ZNF91: variants seen among roughly 807,000 people sequenced by gnomAD.
ZNF91 encodes zinc finger protein 91 (HPF7, HTF10).
Under a neutral mutation model 12.6 loss-of-function variants are expected in ZNF91, and 7 were observed. The ratio of observed to expected loss-of-function variants is 0.55; its 90% confidence interval spans 0.31 to 1.04. The LOEUF is 1.04. Ranked by LOEUF, ZNF91 falls within the 50% of genes least tolerant of loss-of-function variation. The pLI is 0.05. For synonymous variants in ZNF91, 453 were observed against 462.6 expected, an observed-to-expected ratio of 0.98 and a Z score of 0.27; for missense variants, 1,217 against 1,385.4, an observed-to-expected ratio of 0.88 and a Z score of 1.93.
intron 3 of ZNF91, among the ~76,000 whole-genome samples, chr19:23,343,909 G>A (rs1381620228): frequency 2.0e-5 from 3 of 152,182 alleles, no homozygotes; most frequent in East Asian, 1.9e-4. Flanking sequence ...ACATTAGTCA[G>A]AAAGTCTCTC....
chr19:23,308,742 T>A (rs1229645419), intron 2 of ZNF91: 2 of 152,210 alleles, frequency 1.3e-5, no homozygotes, highest in East Asian at 3.9e-4. Context: ...TTATTCTTTT[T>A]TGTGAATACC....
chr19:23,350,271 G>A (rs1968330301), intron 3 of ZNF91, among the ~76,000 whole-genome samples: 1 of 152,150 alleles, frequency 6.6e-6, no homozygotes, highest in Non-Finnish European at 1.5e-5. Context: ...TGGAAGGGGT[G>A]GGGCCCAACA....
chr19:23,305,904 C>CA (rs1269356432), intron 3 of ZNF91, among the ~76,000 whole-genome samples: 2 of 152,128 alleles, frequency 1.3e-5, no homozygotes, highest in African/African-American at 2.4e-5. Context: ...TTTGTCTATA[C>CA]AAAAAACATT....
intron 3 of ZNF91, among the ~76,000 whole-genome samples, chr19:23,363,929 G>C (rs796441897): frequency 1.3e-5 from 2 of 151,844 alleles, no homozygotes; most frequent in African/African-American, 4.8e-5. Flanking sequence ...AACAAACTAG[G>C]ATCACAGAAA....
intron 3 of ZNF91, among the ~76,000 whole-genome samples, chr19:23,348,999 T>C (rs1250770392): frequency 3.3e-5 from 5 of 152,170 alleles, no homozygotes; most frequent in African/African-American, 1.2e-4. Context: ...TCAGGCTTGC[T>C]AGGATTGGGA....
downstream of ZNF91, among the ~76,000 whole-genome samples, chr19:23,354,833 A>T (rs1568378448): frequency 6.6e-6 from 1 of 152,118 alleles, no homozygotes; most frequent in Non-Finnish European, 1.5e-5. Flanking sequence ...CAGCAACCAA[A>T]TGGAGAATTA....
intron 3 of ZNF91, 84 bp downstream of exon 3, chr19:23,373,658 C>G: frequency 9.5e-7 from 1 of 1,051,790 alleles, no homozygotes; most frequent in Admixed American, 2.5e-5. Context: ...TGGAACACAG[C>G]TTCTCAGATC....
downstream of ZNF91, among the ~76,000 whole-genome samples, chr19:23,357,292 AC>A (rs1968515474): frequency 6.6e-6 from 1 of 152,164 alleles, no homozygotes; most frequent in Non-Finnish European, 1.5e-5. Context: ...AACAACAACA[AC>A]AAAAAATTAT....
Position 23,361,481 on chromosome 19 carries a change from T to C in ZNF91, c.1498A>G (p.Arg500Gly). ...YKCEECGKAF[R>G]QSSTLTKHKI... ...TGTTTAGTAAGGGTTGAGGATTGCC[T>C]AAAAGCTTTGCCACATTCTTCACAT... Residue 500 changes from arginine to glycine, a missense_variant, in exon 4 of 4, where the codon AGG becomes GGG. Arg to Gly is a moderately radical substitution (Grantham distance 125). Transcript: ENST00000300619. 1 of 1,611,968 alleles carries C rather than the reference T, an allele frequency of 6.2e-7. No individual in the cohort carries two copies. Among genetic ancestry groups the C allele is most frequent in the East Asian group, 2.2e-5 (1 of 44,704 alleles).
At position 23,369,386 on chromosome 19, in the gene ZNF91, G is replaced by A. The variant is rs968072565; in HGVS notation, c.253+4356C>T. ...GCCAGCCGCCCCGTCCGGGAGGGAG[G>A]TGGGGTGCGCCTCCGCCCGGCCGCT... On this transcript the variant is annotated intron_variant, in intron 3 of 3. Coordinates refer to ENST00000300619, the MANE Select transcript of ZNF91 (RefSeq NM_003430.4). 2.0e-5 allele frequency among the ~76,000 whole-genome samples: 3 copies of A among 151,622 alleles called. No individual in the cohort carries two copies. The South Asian group carries it at 6.3e-4, about 32-fold the overall frequency.
rs754831075 is a variant in ZNF91, at chr19:23,360,285, A to G, written c.2694T>C (p.Thr898=). 6.2e-7 allele frequency: 1 copy of G among 1,613,864 alleles called. No individual in the cohort carries two copies. Among genetic ancestry groups the G allele is most frequent in the Non-Finnish European group, 8.5e-7 (1 of 1,179,854 alleles). ...DKAFIWSSTL[T]EHKRIHTREK... The stretch of plus-strand genomic sequence containing the variant: ...CTCTGGTATGAATTCTCTTATGTTC[A>G]GTAAGGGTTGAGGACCAGATAAATG... Residue 898 remains threonine (T), a synonymous_variant, in exon 4 of 4, where the codon ACT becomes ACC. Transcript: ENST00000300619.
rs1393920121 is a variant in ZNF91 at position 23,359,642 on chromosome 19, T to C, written c.3337A>G (p.Lys1113Glu). 1.2e-6 allele frequency: 2 copies of C among 1,614,120 alleles called. No homozygotes were observed. Among genetic ancestry groups the C allele is most frequent in the Non-Finnish European group, 1.7e-6 (2 of 1,180,008 alleles). ...AGAGCTGAGGACTCTTTAAAGGCTT[T>C]GCCACATTCTCCACATTTGTAGGGT... The part of the protein sequence containing the change: ...EKPYKCGECG[K>E]AFKESSALTK... The change falls in exon 4 of 4, where the codon AAA (lysine) becomes GAA (glutamate). Residue 1113 changes from lysine (K) to glutamate (E), a missense_variant. Lys to Glu is a moderately conservative substitution (Grantham distance 56). This residue lies in a region of ZNF91 where 491 missense variants were observed against 489.8 expected (regional missense o/e 1.00). Transcript: ENST00000300619.
intron 3 of ZNF91, among the ~76,000 whole-genome samples, chr19:23,347,727 G>A (rs1382633453): frequency 6.6e-6 from 1 of 152,176 alleles, no homozygotes. Context: ...CCGTGTTTGA[G>A]AGATTACCCA....
chr19:23,395,344 G>A lies in ZNF91; in HGVS notation c.11C>T (p.Thr4Ile). 1 of 1,613,926 alleles carries A rather than the reference G, an allele frequency of 6.2e-7. No homozygotes were observed. ...TCTCACCATTTCTAGGCTTCCAGGG[G>A]TTCCTGGCATCTTAGCTGTGGCTCT... MPG[T>I]PGSLEMGLLT... Residue 4 changes from threonine to isoleucine, a missense_variant, in exon 1 of 4, where the codon ACC becomes ATC. Transcript: ENST00000300619.
intron 3 of ZNF91, among the ~76,000 whole-genome samples, chr19:23,340,444 T>C (rs1968097550): frequency 6.6e-6 from 1 of 151,704 alleles, no homozygotes; most frequent in Non-Finnish European, 1.5e-5. Context: ...AATGAATAAA[T>C]CCATGGAAAC....
rs1398136645 is a variant in ZNF91, at chr19:23,373,738, C to T, written c.253+4G>A. 1.9e-6 allele frequency: 3 copies of T among 1,607,386 alleles called. No homozygotes were observed. The African/African-American group carries it at 4.0e-5, about 22-fold the overall frequency. ...TGTCGTCTGTTGTATTCACTCTCAC[C>T]TACCTGTGGGTTCATCCACCATCTC... On this transcript the variant is annotated splice_donor_region_variant and intron_variant, in intron 3 of 3. Transcript: ENST00000300619.
chr19:23,393,667 C>A (rs763364858), intron 1 of ZNF91, among the ~76,000 whole-genome samples: 3 of 151,948 alleles, frequency 2.0e-5, no homozygotes, highest in African/African-American at 4.8e-5. Context: ...CCAAAAAAAA[C>A]AAATCTTTTT....
intron 3 of ZNF91, chr19:23,306,962 TG>T (rs1268653663): frequency 6.6e-6 from 1 of 152,190 alleles, no homozygotes; most frequent in African/African-American, 2.4e-5. Context: ...AGCCAATTTT[TG>T]TATTTTTAGT....
chr19:23,317,102 G>A (rs1967579243), intron 1 of ZNF91, among the ~76,000 whole-genome samples: 1 of 151,676 alleles, frequency 6.6e-6, no homozygotes, highest in Admixed American at 6.6e-5. Flanking sequence ...CTGGAGTGCA[G>A]TGGCGCGATC....
Sources: allele counts gnomAD v4.1 joint callset (sites outside exome capture counted in the v4.1 genomes callset), GRCh38; gene constraint gnomAD v4.1.1; regional missense constraint gnomAD v4.1.1; transcripts MANE v1.5; gene names NCBI Gene and HGNC (gene_info 2026-07-23, HGNC 2026-07-21).